Variants in RAB36 observed in about 807,000 individuals in gnomAD.
RAB36 encodes RAB36, member RAS oncogene family, also known as ras-related protein Rab-36.
Under a neutral mutation model 39.3 loss-of-function variants are expected in RAB36, and 33 were observed. The observed-to-expected ratio is 0.84, with a 90% CI of 0.64 to 1.12. The LOEUF (loss-of-function observed/expected upper bound fraction) is 1.12. Ranked by LOEUF, RAB36 falls within the 50% of genes most tolerant of loss-of-function variation. RAB36 has a pLI of 0.00. For synonymous variants in RAB36, 133 were observed against 140.2 expected, an observed-to-expected ratio of 0.95 and a Z score of 0.36; for missense variants, 308 against 355.3, an observed-to-expected ratio of 0.87 and a Z score of 1.07.
rs571961778 is a variant in RAB36 at position 23,161,463 on chromosome 22, C to A, written c.740-37C>A. 35 of 1,549,214 alleles carry A rather than the reference C, an allele frequency of 2.3e-5. No individual in the cohort carries two copies. The South Asian group carries it at 3.7e-4, about 17-fold the overall frequency. ...CCTGCCCAGTGTCAGCTACAGGATT[C>A]CTGGTTGATGCTAAATTACTTCTCC... On this transcript the variant is annotated intron_variant, in intron 10 of 10. Transcript: ENST00000263116.
At chr22:23,145,726 G>A (rs2070729735) in intron 1 of RAB36, among the ~76,000 whole-genome samples, 175 bp downstream of exon 1, 1 of 152,260 alleles carries the variant, frequency 6.6e-6, no homozygotes, top group Non-Finnish European at 1.5e-5. Flanking sequence ...CTCTGGGCCA[G>A]GCCCGCGCTG....
rs2071742147 is a variant in RAB36 at position 23,160,865 on chromosome 22, T to C, written c.620-14T>C. ...AAACACTGATGAGGTCCCGGCTGTC[T>C]TGTGGGCCCACAGGCGAGAACGTGA... is the stretch of plus-strand genomic sequence containing the variant. On this transcript the variant is annotated splice_polypyrimidine_tract_variant and intron_variant, in intron 9 of 10. Coordinates refer to ENST00000263116, the MANE Select transcript of RAB36 (RefSeq NM_004914.5). 2.5e-6 allele frequency: 4 copies of C among 1,611,562 alleles called. No homozygotes were observed. The African/African-American group carries it at 4.0e-5, about 16-fold the overall frequency.
chr22:23,164,489 T>G lies in RAB36; in HGVS notation c.*2925T>G, dbSNP rs953423545. ...GCTCAGTTGTCCCCCCACCCCAAGT[T>G]GATGCAGCATCTTCTCGGTCAGAAT... is the stretch of plus-strand genomic sequence containing the variant. On this transcript the variant is annotated 3_prime_UTR_variant, in exon 11 of 11. Coordinates refer to ENST00000263116, the MANE Select transcript of RAB36 (RefSeq NM_004914.5). 4 of 152,160 alleles carry G rather than the reference T, an allele frequency of 2.6e-5. No homozygotes were observed. Among genetic ancestry groups the G allele is most frequent in the African/African-American group, 9.7e-5 (4 of 41,424 alleles). The allele number at this position is 152,160 out of a possible 1,614,324, so 9.4% of individuals were successfully genotyped here. A position where few individuals can be genotyped will look rare whatever the true frequency, so the allele number is the denominator to read the frequency against.
chr22:23,160,892 G>C lies in RAB36; in HGVS notation c.633G>C (p.Lys211Asn), dbSNP rs780586347. ...SVSAKTGENV[K>N]AFFSRVAALA... ...GTGGGCCCACAGGCGAGAACGTGAA[G>C]GCATTCTTCAGCCGCGTAGCCGCCC... The change falls in exon 10 of 11, where the codon AAG becomes AAC. Residue 211 changes from lysine to asparagine, a missense_variant. By Grantham distance (94) the Lys-to-Asn change is moderately conservative. Transcript: ENST00000263116. 30 of 1,613,624 alleles carry C rather than the reference G, an allele frequency of 1.9e-5. No homozygotes were observed. Among genetic ancestry groups the C allele is most frequent in the Non-Finnish European group, 2.2e-5 (26 of 1,179,824 alleles).
At position 23,155,974 on chromosome 22, in the gene RAB36, C is replaced by T. The variant is rs888361674; in HGVS notation, c.336C>T (p.Asp112=). ...AGIPYSLQIW[D]TAGQEKFKCI... The stretch of plus-strand genomic sequence containing the variant: ...TTTCTCACCCACCTCACAGCTGGGA[C>T]ACAGCTGGGCAGGAGAAGTTCAAGT... The change falls in exon 6 of 11, where the codon GAC becomes GAT. Residue 112 remains aspartate, a synonymous_variant. Coordinates refer to ENST00000263116, the MANE Select transcript of RAB36 (RefSeq NM_004914.5). 4 of 1,611,468 alleles carry T rather than the reference C, an allele frequency of 2.5e-6. No individual in the cohort carries two copies. The highest frequency in any genetic ancestry group is 3.4e-6 in the Non-Finnish European group (4 of 1,178,778).
chr22:23,155,924 T>G (rs548252262), intron 5 of RAB36, 44 bp from the exon 6 acceptor site: 3 of 1,554,480 alleles, frequency 1.9e-6, no homozygotes, highest in South Asian at 1.2e-5. Context: ...ACTGTGATTG[T>G]GTAGCCTGAC....
At chr22:23,167,958 C>G (rs541731018), downstream of RAB36, among the ~76,000 whole-genome samples, 2 of 152,124 alleles carry the variant, frequency 1.3e-5, no homozygotes, top group Non-Finnish European at 1.5e-5. Flanking sequence ...GCAATCCCCC[C>G]ACCCCAGCCT....
chr22:23,166,594 A>G (rs1156702804), downstream of RAB36, among the ~76,000 whole-genome samples: 1 of 151,790 alleles, frequency 6.6e-6, no homozygotes, highest in Admixed American at 6.6e-5. Context: ...TCTCTTTACA[A>G]TTCCCTTACC....
At chr22:23,149,382 G>A (rs759812332) in intron 2 of RAB36, among the ~76,000 whole-genome samples, 4 of 152,202 alleles carry the variant, frequency 2.6e-5, no homozygotes, top group Non-Finnish European at 5.9e-5. Context: ...GTGAGGGTGG[G>A]TGGGGTACGT....
chr22:23,167,437 C>G (rs961955365), downstream of RAB36, among the ~76,000 whole-genome samples: 2 of 152,192 alleles, frequency 1.3e-5, no homozygotes, highest in African/African-American at 4.8e-5. Flanking sequence ...TCAACCCTGT[C>G]CCCTGGGTGC....
intron 6 of RAB36, 117 bp downstream of exon 6, chr22:23,156,149 CA>C: frequency 1.8e-6 from 1 of 551,290 alleles, no homozygotes; most frequent in Non-Finnish European, 2.8e-6. Context: ...CTCCAAGACC[CA>C]CTGAGAAAAC....
chr22:23,151,277 T>G (rs1198975592), intron 3 of RAB36, among the ~76,000 whole-genome samples: 1 of 152,248 alleles, frequency 6.6e-6, no homozygotes, highest in African/African-American at 2.4e-5. Context: ...ATGATCTCCC[T>G]GATCCCTTAT....
chr22:23,168,158 C>A (rs185947281), downstream of RAB36, among the ~76,000 whole-genome samples: 131 of 152,306 alleles, frequency 8.6e-4, no homozygotes, highest in East Asian at 7.0e-3. Context: ...CTCCCGCAGC[C>A]CACACGGCAG....
chr22:23,157,196 T>A (rs1023997682), intron 6 of RAB36, among the ~76,000 whole-genome samples: 3 of 151,972 alleles, frequency 2.0e-5, no homozygotes, highest in African/African-American at 7.3e-5. Context: ...AGGTTGTTGC[T>A]AACCATCACT....
At position 23,163,673 on chromosome 22, in the gene RAB36, GAC is replaced by G. The variant is rs1348456104; in HGVS notation, c.*2115_*2116del. 1 of 150,598 alleles carries G rather than the reference GAC, an allele frequency of 6.6e-6. No individual in the cohort carries two copies. The highest frequency in any genetic ancestry group is 2.4e-5 in the African/African-American group (1 of 41,058). 9.3% of individuals were successfully genotyped at this position (150,598 alleles called of 1,614,324 possible). A position where few individuals can be genotyped will look rare whatever the true frequency, so the allele number is the denominator to read the frequency against. ...AGCAGAAGAGATGGATGAATGGAAGGACACACAGATGGACAGAGAGCAGGAAA... is the reference window on the plus strand; with the variant it reads ...AGCAGAAGAGATGGATGAATGGAAGGACACAGATGGACAGAGAGCAGGAAA... On this transcript the variant is annotated 3_prime_UTR_variant, in exon 11 of 11. Transcript: ENST00000263116.
At chr22:23,155,791 G>A (rs2071414126) in intron 5 of RAB36, among the ~76,000 whole-genome samples, 177 bp from the exon 6 acceptor site, 1 of 152,216 alleles carries the variant, frequency 6.6e-6, no homozygotes, top group Non-Finnish European at 1.5e-5. Flanking sequence ...ACCCTAGGAA[G>A]AGATCATAAG....
chr22:23,149,519 C>A (rs968466189), intron 2 of RAB36, among the ~76,000 whole-genome samples: 2 of 152,142 alleles, frequency 1.3e-5, no homozygotes, highest in African/African-American at 2.4e-5. Flanking sequence ...GTTTTTAAAA[C>A]AAAATGTCAT....
chr22:23,165,896 C>T (rs2072037561), downstream of RAB36, among the ~76,000 whole-genome samples: 1 of 152,152 alleles, frequency 6.6e-6, no homozygotes, highest in South Asian at 2.1e-4. Context: ...CCTGTAATCC[C>T]AGCACTTTGG....
chr22:23,146,882 G>A (rs1004863510), intron 2 of RAB36, among the ~76,000 whole-genome samples, 197 bp downstream of exon 2: 8 of 152,230 alleles, frequency 5.3e-5, no homozygotes, highest in African/African-American at 1.9e-4. Flanking sequence ...CTGGGCAGCA[G>A]TGTGGCCTGG....
Sources: gnomAD v4.1 joint callset for allele counts (sites outside exome capture counted in the v4.1 genomes callset) on GRCh38, gnomAD v4.1.1 for gene constraint, MANE v1.5 for transcripts, NCBI Gene and HGNC (gene_info 2026-07-23, HGNC 2026-07-21) for gene names.